TCF7L2: variants seen among roughly 807,000 people sequenced by gnomAD.
TCF7L2 encodes transcription factor 7-like 2.
A neutral mutation model predicts 77.9 loss-of-function variants in TCF7L2; 23 were observed. The ratio of observed to expected loss-of-function variants is 0.30; its 90% CI spans 0.21 to 0.42. The LOEUF (loss-of-function observed/expected upper bound fraction) is 0.42. Ranked by LOEUF, TCF7L2 falls within the 10% of genes least tolerant of loss-of-function variation. The pLI is 1.00. For synonymous variants in TCF7L2, 413 were observed against 340.2 expected (o/e 1.21, Z -2.36); for missense variants, 654 against 793.1 (o/e 0.82, Z 2.11).
At chr10:113,041,414 C>T (rs996832779) in intron 5 of TCF7L2, among the ~76,000 whole-genome samples, 2 of 152,190 alleles carry the variant, frequency 1.3e-5, no homozygotes, top group Non-Finnish European at 2.9e-5. Context: ...CCAACTTGCC[C>T]TCAGGAAAGG....
intron 5 of TCF7L2, among the ~76,000 whole-genome samples, chr10:113,096,643 G>A (rs895541416): frequency 5.9e-5 from 9 of 152,056 alleles, no homozygotes; most frequent in Admixed American, 6.6e-5. Context: ...TCAATGTCTG[G>A]CCTCTTCTGT....
intron 5 of TCF7L2, among the ~76,000 whole-genome samples, chr10:113,086,773 A>G (rs4917643): frequency 0.3 from 45,645 of 150,826 alleles, 7,424 homozygotes; most frequent in Non-Finnish European, 0.36. Flanking sequence ...AAAAAAAAAA[A>G]AAACTATAGT....
chr10:113,057,257 C>T lies in TCF7L2; in HGVS notation c.552+17131C>T, dbSNP rs2055549296. Among the ~76,000 whole-genome samples, 5 of 152,186 alleles carry T rather than the reference C, an allele frequency of 3.3e-5. No individual in the cohort carries two copies. The South Asian group carries it at 1.0e-3, about 31-fold the overall frequency. On this transcript the variant is annotated intron_variant, in intron 5 of 13. Transcript: ENST00000627217. ...GGAATATATACTTCTGCAACTTCAG[C>T]CTCCTGGGTTCCAGCGATTCTCCTG... is the stretch of plus-strand genomic sequence containing the variant.
chr10:113,032,209 G>A (rs1279560169), intron 4 of TCF7L2, among the ~76,000 whole-genome samples: 3 of 152,294 alleles, frequency 2.0e-5, no homozygotes, highest in Non-Finnish European at 4.4e-5. Flanking sequence ...TGAGAGGAGG[G>A]TCTGGTGAAA....
At chr10:113,087,426 T>C (rs1012195545) in intron 5 of TCF7L2, among the ~76,000 whole-genome samples, 1 of 152,210 alleles carries the variant, frequency 6.6e-6, no homozygotes, top group East Asian at 1.9e-4. Context: ...CTAGAAACAA[T>C]TGGAGGGCTA....
At chr10:113,044,093 A>G (rs1021912530) in intron 5 of TCF7L2, among the ~76,000 whole-genome samples, 2 of 152,128 alleles carry the variant, frequency 1.3e-5, no homozygotes, top group Non-Finnish European at 2.9e-5. Context: ...GATTTTTTGT[A>G]CTTCTTGGTC....
rs2057646971 is a variant in TCF7L2 at position 113,069,215 on chromosome 10, G to A, written c.552+29089G>A. 2.0e-5 allele frequency among the ~76,000 whole-genome samples: 3 copies of A among 151,846 alleles called. 1 individual carries two copies. In the South Asian group the frequency reaches 6.2e-4, roughly 32 times the overall value. On this transcript the variant is annotated intron_variant, in intron 5 of 13. Coordinates refer to ENST00000627217, the MANE Select transcript of TCF7L2 (RefSeq NM_001146274.2). ...TGTGTCCAGCTCAGAGGGTGCAACA[G>A]TGTCTGTAACTCATATTCTTTTTTT... is the stretch of plus-strand genomic sequence containing the variant.
intron 13 of TCF7L2, among the ~76,000 whole-genome samples, chr10:113,163,694 G>A (rs1040287439): frequency 1.3e-5 from 2 of 152,098 alleles, no homozygotes; most frequent in East Asian, 1.9e-4. Context: ...CAAATTGAGG[G>A]TGAGAGGGGG....
chr10:113,099,577 G>A (rs2061409533), intron 5 of TCF7L2, among the ~76,000 whole-genome samples: 2 of 152,232 alleles, frequency 1.3e-5, no homozygotes, highest in African/African-American at 4.8e-5. Flanking sequence ...AAAGTACAAT[G>A]TAGGGCTATG....
intron 5 of TCF7L2, among the ~76,000 whole-genome samples, chr10:113,111,840 CAA>C (rs2063169912): frequency 6.6e-6 from 1 of 152,262 alleles, no homozygotes. Flanking sequence ...CAGCTAATCT[CAA>C]ATCAATTCTT....
intron 4 of TCF7L2, among the ~76,000 whole-genome samples, chr10:113,014,452 T>C (rs1295414032): frequency 1.3e-5 from 2 of 152,214 alleles, no homozygotes; most frequent in African/African-American, 2.4e-5. Context: ...TGGTTGATTA[T>C]GTCAATGTGA....
intron 5 of TCF7L2, among the ~76,000 whole-genome samples, chr10:113,138,369 A>T (rs1382541017): frequency 6.6e-6 from 1 of 151,552 alleles, no homozygotes; most frequent in Non-Finnish European, 1.5e-5. Flanking sequence ...ACAGGGCTCC[A>T]CCTTTTGTTG....
At chr10:113,140,553 G>T (rs1048439474) in intron 5 of TCF7L2, among the ~76,000 whole-genome samples, 1 of 152,188 alleles carries the variant, frequency 6.6e-6, no homozygotes, top group Non-Finnish European at 1.5e-5. Context: ...AAAATATGCA[G>T]GTGCTTGTCA....
intron 5 of TCF7L2, among the ~76,000 whole-genome samples, chr10:113,084,196 C>T (rs1591484737): frequency 6.6e-6 from 1 of 152,108 alleles, no homozygotes; most frequent in Non-Finnish European, 1.5e-5. Context: ...ACTGGCTCAC[C>T]CAGTCATGGA....
intron 5 of TCF7L2, among the ~76,000 whole-genome samples, chr10:113,136,286 A>C (rs1439563486): frequency 6.6e-6 from 1 of 152,128 alleles, no homozygotes; most frequent in African/African-American, 2.4e-5. Context: ...TGTGGATGGT[A>C]GTGCTTCAGG....
chr10:113,052,373 C>T (rs143448004), intron 5 of TCF7L2, among the ~76,000 whole-genome samples: 3 of 152,174 alleles, frequency 2.0e-5, no homozygotes, highest in African/African-American at 7.2e-5. Context: ...AGAGGTGTCA[C>T]AGCTGTCATT....
At chr10:113,049,962 C>G (rs946183836) in intron 5 of TCF7L2, among the ~76,000 whole-genome samples, 4 of 152,128 alleles carry the variant, frequency 2.6e-5, no homozygotes, top group African/African-American at 9.7e-5. Flanking sequence ...CTGATGTTTT[C>G]AATGTTGTAT....
chr10:112,964,814 G>GA (rs1400096451), intron 4 of TCF7L2, among the ~76,000 whole-genome samples, 190 bp downstream of exon 4: 1 of 116,110 alleles, frequency 8.6e-6, no homozygotes, highest in Non-Finnish European at 1.7e-5. Flanking sequence ...GGTGGTGGTG[G>GA]GGGGGGGTTG....
At chr10:113,026,220 C>T (rs1021410512) in intron 4 of TCF7L2, among the ~76,000 whole-genome samples, 5 of 151,684 alleles carry the variant, frequency 3.3e-5, no homozygotes, top group South Asian at 2.1e-4. Context: ...GGCACAGTCT[C>T]GGCTCACTGC....
Sources: allele counts gnomAD v4.1 joint callset (sites outside exome capture counted in the v4.1 genomes callset), GRCh38; gene constraint gnomAD v4.1.1; transcripts MANE v1.5; gene names NCBI Gene and HGNC (gene_info 2026-07-23, HGNC 2026-07-21).